Variants in GAS2 observed in about 807,000 individuals in gnomAD.
GAS2 encodes the protein growth arrest-specific protein 2.
GAS2 carries 20 observed loss-of-function variants against 37.5 expected under a neutral mutation model. The observed-to-expected ratio is 0.53, with a 90% CI of 0.37 to 0.77. The LOEUF is 0.77. Ranked by LOEUF, GAS2 falls within the 30% of genes least tolerant of loss-of-function variation. The pLI is 0.00. For missense variants in GAS2, 336 were observed against 373.4 expected (o/e 0.90, Z 0.82); for synonymous variants, 144 against 132.2 (o/e 1.09, Z -0.61).
intron 2 of GAS2, among the ~76,000 whole-genome samples, chr11:22,683,449 A>G (rs901004528): frequency 2.0e-5 from 3 of 152,074 alleles, no homozygotes; most frequent in Non-Finnish European, 4.4e-5. Flanking sequence ...TATTTTTAGT[A>G]GAGGCAGGGT....
At chr11:22,649,158 G>A (rs1248998994) in intron 1 of GAS2, among the ~76,000 whole-genome samples, 1 of 150,940 alleles carries the variant, frequency 6.6e-6, no homozygotes, top group African/African-American at 2.4e-5. Context: ...GGCCTTTTCT[G>A]CATCTATTGA....
intron 5 of GAS2, among the ~76,000 whole-genome samples, chr11:22,742,756 T>C (rs1300031949): frequency 6.6e-6 from 1 of 152,116 alleles, no homozygotes; most frequent in Non-Finnish European, 1.5e-5. Flanking sequence ...ATATTGGACA[T>C]AGAGCCAAGT....
intron 3 of GAS2, among the ~76,000 whole-genome samples, chr11:22,725,357 C>G (rs1251233278): frequency 6.6e-6 from 1 of 151,862 alleles, no homozygotes; most frequent in Non-Finnish European, 1.5e-5. Context: ...GAGTTCAGAC[C>G]AGAATTATGT....
At chr11:22,641,876 T>G (rs1305307178) in intron 1 of GAS2, among the ~76,000 whole-genome samples, 3 of 152,138 alleles carry the variant, frequency 2.0e-5, no homozygotes, top group Non-Finnish European at 4.4e-5. Flanking sequence ...CTGTTGCAGA[T>G]CTATGACAAA....
intron 3 of GAS2, among the ~76,000 whole-genome samples, chr11:22,710,533 A>ATG (rs71311298): frequency 6.6e-6 from 1 of 150,850 alleles, no homozygotes; most frequent in Non-Finnish European, 1.5e-5. Flanking sequence ...ATATATATAT[A>ATG]TGTTTCTTAC....
chr11:22,765,888 G>A (rs1265250892), intron 7 of GAS2, among the ~76,000 whole-genome samples: 1 of 152,204 alleles, frequency 6.6e-6, no homozygotes, highest in Non-Finnish European at 1.5e-5. Context: ...TTCTCAGGAG[G>A]CCTCAGGAAG....
chr11:22,804,013 T>C (rs1544570), intron 7 of GAS2, among the ~76,000 whole-genome samples: 49,651 of 151,836 alleles, frequency 0.33, 9,877 homozygotes, highest in Non-Finnish European at 0.43. Context: ...AACAGTGAAA[T>C]CACCTGGAAA....
chr11:22,632,409 A>T (rs1858756418), intron 1 of GAS2, among the ~76,000 whole-genome samples: 1 of 152,202 alleles, frequency 6.6e-6, no homozygotes, highest in Non-Finnish European at 1.5e-5. Context: ...GCTTCTGCTG[A>T]GAAGTCTGCT....
intron 5 of GAS2, among the ~76,000 whole-genome samples, chr11:22,745,118 C>CAAAA (rs142582542): frequency 0.053 from 6,864 of 128,750 alleles, 271 homozygotes; most frequent in Non-Finnish European, 0.074. Flanking sequence ...CATTTGGAAC[C>CAAAA]AAAAAAAAAA....
At chr11:22,716,571 A>G (rs1448092716) in intron 3 of GAS2, among the ~76,000 whole-genome samples, 1 of 151,302 alleles carries the variant, frequency 6.6e-6, no homozygotes, top group Non-Finnish European at 1.5e-5. Context: ...ACCTGGGAGG[A>G]GGAGGTTGCA....
intron 7 of GAS2, among the ~76,000 whole-genome samples, chr11:22,762,242 G>C (rs1433031650): frequency 6.6e-6 from 1 of 151,858 alleles, no homozygotes; most frequent in Non-Finnish European, 1.5e-5. Context: ...GATTTTCAAG[G>C]ACATGACTGG....
chr11:22,796,530 G>T (rs776363372), intron 7 of GAS2, among the ~76,000 whole-genome samples: 1 of 151,976 alleles, frequency 6.6e-6, no homozygotes, highest in Non-Finnish European at 1.5e-5. Flanking sequence ...AAAGGAAGGA[G>T]GCCCATATTT....
At chr11:22,792,765 G>A (rs1856233379) in intron 7 of GAS2, among the ~76,000 whole-genome samples, 1 of 152,252 alleles carries the variant, frequency 6.6e-6, no homozygotes, top group African/African-American at 2.4e-5. Flanking sequence ...AGGGTGGATA[G>A]ACATAGTCAG....
In GAS2 at chr11:22,633,089, G is replaced by A. The variant is rs762439127; in HGVS notation, c.-21+7276G>A. ...GATTTCATCTTAGTTTGGATCCATC[G>A]CTGGAGAGTCAGTGGAATCTTTGTG... On this transcript the variant is annotated intron_variant, in intron 1 of 5. Coordinates refer to the GAS2 transcript ENST00000528582. Among the ~76,000 whole-genome samples, 125 of 152,142 alleles carry A rather than the reference G, an allele frequency of 8.2e-4. 1 individual carries two copies. Among genetic ancestry groups the A allele is most frequent in the African/African-American group, 2.7e-3 (111 of 41,520 alleles).
At chr11:22,766,806 A>G (rs1854721057) in intron 7 of GAS2, among the ~76,000 whole-genome samples, 1 of 152,170 alleles carries the variant, frequency 6.6e-6, no homozygotes, top group South Asian at 2.1e-4. Context: ...ACAATTATAA[A>G]CTTATATTTA....
chr11:22,811,993 A>C lies in GAS2; in HGVS notation c.919A>C (p.Lys307Gln). 6.2e-7 allele frequency: 1 copy of C among 1,614,030 alleles called. No homozygotes were observed. The highest frequency in any genetic ancestry group is 8.5e-7 in the Non-Finnish European group (1 of 1,179,912). ...CTACTTGGTGGTCTCTGCCAGTTAT[A>C]AGGCTAAGAAGGAAATTAAGTGAAA... ...DNYLVVSASY[K>Q]AKKEIK Residue 307 changes from lysine to glutamine, a missense_variant, in exon 8 of 8, where the codon AAG becomes CAG. Physicochemically the swap from Lys to Gln is moderately conservative, Grantham distance 53. Coordinates refer to ENST00000454584, the MANE Select transcript of GAS2 (RefSeq NM_001143830.3).
At chr11:22,703,178 G>A (rs1449798651) in intron 3 of GAS2, among the ~76,000 whole-genome samples, 2 of 152,122 alleles carry the variant, frequency 1.3e-5, no homozygotes, top group East Asian at 3.9e-4. Context: ...CCTTGAGCAT[G>A]AAAGTAAACC....
At chr11:22,720,656 T>C (rs1410526878) in intron 3 of GAS2, among the ~76,000 whole-genome samples, 1 of 152,018 alleles carries the variant, frequency 6.6e-6, no homozygotes, top group Non-Finnish European at 1.5e-5. Context: ...ACACTCTATA[T>C]ACCCTTTGGA....
At chr11:22,677,537 T>G (rs1849485058) in intron 2 of GAS2, among the ~76,000 whole-genome samples, 1 of 152,242 alleles carries the variant, frequency 6.6e-6, no homozygotes, top group African/African-American at 2.4e-5. Flanking sequence ...TATAGTCTGC[T>G]TATACAGGTA....
Sources: allele counts gnomAD v4.1 joint callset (sites outside exome capture counted in the v4.1 genomes callset), GRCh38; gene constraint gnomAD v4.1.1; transcripts MANE v1.5; gene names NCBI Gene and HGNC (gene_info 2026-07-23, HGNC 2026-07-21).